Variants in ADAM9 observed in about 807,000 individuals in gnomAD.
ADAM9 encodes the protein ADAM metallopeptidase domain 9.
Under a neutral mutation model 108.1 loss-of-function variants are expected in ADAM9, and 54 were observed. The ratio of observed to expected loss-of-function variants is 0.50; its 90% confidence interval spans 0.40 to 0.63. The LOEUF is 0.63. Among genes scored for constraint, ADAM9 ranks in the 20% least tolerant of loss-of-function variants. The probability of loss-of-function intolerance (pLI) is 0.00; values close to 1 mark genes in which losing one functional copy is unlikely to be tolerated. For synonymous variants in ADAM9, 316 were observed against 336.0 expected (o/e 0.94, Z 0.65); for missense variants, 830 against 997.7 (o/e 0.83, Z 2.26).
chr8:39,034,523 G>T (rs537359621), intron 11 of ADAM9, among the ~76,000 whole-genome samples: 2 of 152,130 alleles, frequency 1.3e-5, no homozygotes, highest in Non-Finnish European at 2.9e-5. Flanking sequence ...TTTTCAGTCT[G>T]ATCAAAGAAC....
intron 14 of ADAM9, among the ~76,000 whole-genome samples, chr8:39,060,654 G>C (rs564726950): frequency 1.3e-5 from 2 of 152,292 alleles, no homozygotes; most frequent in African/African-American, 4.8e-5. Flanking sequence ...TCTACTTTTT[G>C]TCGTGCAAAT....
chr8:39,024,135 A>T (rs773786472), intron 9 of ADAM9, among the ~76,000 whole-genome samples: 24 of 152,292 alleles, frequency 1.6e-4, no homozygotes, highest in East Asian at 1.5e-3. Context: ...AGTCTGAAAC[A>T]TTCTGATTCC....
chr8:39,066,075 A>G lies in ADAM9; in HGVS notation c.1592-5223A>G, dbSNP rs193224950. Among the ~76,000 whole-genome samples the G allele has an allele frequency of 1.1e-4, 16 of 152,348 alleles. No homozygotes were observed. The East Asian group carries it at 2.5e-3, about 24-fold the overall frequency. ...CTTCATCCATGTCCCTACGAAGGACATGAACTCATCCTTTTTCATGGCTGC... is the reference window on the plus strand; with the variant it reads ...CTTCATCCATGTCCCTACGAAGGACGTGAACTCATCCTTTTTCATGGCTGC... On this transcript the variant is annotated intron_variant, in intron 14 of 21. Coordinates refer to ENST00000487273, the MANE Select transcript of ADAM9 (RefSeq NM_003816.3).
At chr8:39,064,005 C>T (rs1838379103) in intron 14 of ADAM9, among the ~76,000 whole-genome samples, 1 of 152,148 alleles carries the variant, frequency 6.6e-6, no homozygotes, top group Non-Finnish European at 1.5e-5. Flanking sequence ...TTATATGGTG[C>T]TTGAACTAGG....
chr8:39,074,093 C>T (rs950961447), intron 15 of ADAM9, among the ~76,000 whole-genome samples: 6 of 152,152 alleles, frequency 3.9e-5, no homozygotes, highest in Non-Finnish European at 8.8e-5. Flanking sequence ...TCATCATCAT[C>T]ATCACTATTT....
chr8:39,044,872 A>T (rs1157326647), intron 12 of ADAM9, among the ~76,000 whole-genome samples: 2 of 145,584 alleles, frequency 1.4e-5, no homozygotes, highest in Non-Finnish European at 3.0e-5. Flanking sequence ...GTGTGTATAC[A>T]TACATATATA....
At chr8:39,017,658 G>A (rs1356285068) in intron 6 of ADAM9, among the ~76,000 whole-genome samples, 1 of 152,158 alleles carries the variant, frequency 6.6e-6, no homozygotes, top group Admixed American at 6.5e-5. Context: ...CTGCAACAAT[G>A]TTCACTGTGG....
At chr8:39,000,759 A>G (rs9298649) in intron 1 of ADAM9, among the ~76,000 whole-genome samples, 122,481 of 151,988 alleles carry the variant, frequency 0.81, 49,503 homozygotes, top group East Asian at 0.95. Context: ...GAACCACCAC[A>G]CCTGGCCTTA....
intron 4 of ADAM9, 148 bp from the exon 5 acceptor site, chr8:39,015,970 G>C (rs1836512490): frequency 1.4e-6 from 1 of 718,340 alleles, no homozygotes; most frequent in Admixed American, 2.3e-5. Context: ...AGAATGCCAT[G>C]TGATACTGTG....
At chr8:39,036,157 G>A (rs947234062) in intron 11 of ADAM9, among the ~76,000 whole-genome samples, 2 of 151,528 alleles carry the variant, frequency 1.3e-5, no homozygotes, top group South Asian at 2.1e-4. Context: ...TTTTGTTATT[G>A]TTTATGATAT....
At chr8:39,001,919 C>T (rs1441605587) in intron 1 of ADAM9, among the ~76,000 whole-genome samples, 23 of 151,962 alleles carry the variant, frequency 1.5e-4, no homozygotes, top group Admixed American at 1.3e-3. Flanking sequence ...CCACCCGCCT[C>T]GGCCTCCCAA....
rs146932654 is a variant in ADAM9, at chr8:39,034,425, T to C, written c.1131-7521T>C. ...TAGCTGTGTGCCAGGAAGATATTAG[T>C]GATTGTTTATCATTATTCATTTAGA... is the stretch of plus-strand genomic sequence containing the variant. On this transcript the variant is annotated intron_variant, in intron 11 of 21. Coordinates refer to ENST00000487273, the MANE Select transcript of ADAM9 (RefSeq NM_003816.3). 7.2e-5 allele frequency among the ~76,000 whole-genome samples: 11 copies of C among 152,342 alleles called. No homozygotes were observed. The East Asian group carries it at 1.9e-3, about 27-fold the overall frequency.
At chr8:39,078,322 A>G (rs1366930546) in intron 16 of ADAM9, among the ~76,000 whole-genome samples, 2 of 150,818 alleles carry the variant, frequency 1.3e-5, no homozygotes, top group African/African-American at 4.9e-5. Flanking sequence ...GGTGGTAACA[A>G]TCTATATCCC....
At chr8:39,001,316 T>G (rs1035517773) in intron 1 of ADAM9, among the ~76,000 whole-genome samples, 3 of 152,262 alleles carry the variant, frequency 2.0e-5, no homozygotes, top group African/African-American at 7.2e-5. Context: ...AAGTCATATG[T>G]GATAATTACA....
chr8:39,083,720 G>C (rs1216278973), intron 18 of ADAM9, among the ~76,000 whole-genome samples: 1 of 152,100 alleles, frequency 6.6e-6, no homozygotes, highest in Non-Finnish European at 1.5e-5. Context: ...AGCACTATCT[G>C]TTAGCACTAA....
chr8:39,072,515 G>A (rs1838727958), intron 15 of ADAM9, among the ~76,000 whole-genome samples: 1 of 152,144 alleles, frequency 6.6e-6, no homozygotes, highest in Non-Finnish European at 1.5e-5. Flanking sequence ...ATTGTGTAGG[G>A]TGTTCTTCTT....
At chr8:39,037,050 C>CTTTTTTTT (rs58876607) in intron 11 of ADAM9, among the ~76,000 whole-genome samples, 1 of 78,608 alleles carries the variant, frequency 1.3e-5, no homozygotes, top group Non-Finnish European at 2.2e-5. Context: ...TGCGCAAGTT[C>CTTTTTTTT]TTTTTTTTTT....
intron 12 of ADAM9, among the ~76,000 whole-genome samples, chr8:39,053,290 G>A (rs1838015678): frequency 1.3e-5 from 2 of 152,062 alleles, no homozygotes; most frequent in Admixed American, 6.6e-5. Context: ...TAACTTAGCA[G>A]TATATTTTGA....
At chr8:39,011,865 G>T in intron 3 of ADAM9, 149 bp downstream of exon 3, 1 of 731,274 alleles carries the variant, frequency 1.4e-6, no homozygotes, top group South Asian at 1.7e-5. Flanking sequence ...GTGGCAGCTG[G>T]CTGGGCAGGC....
Sources: gnomAD v4.1 joint callset for allele counts (sites outside exome capture counted in the v4.1 genomes callset) on GRCh38, gnomAD v4.1.1 for gene constraint, MANE v1.5 for transcripts, NCBI Gene and HGNC (gene_info 2026-07-23, HGNC 2026-07-21) for gene names.